DNM3: variants seen among roughly 807,000 people sequenced by gnomAD.
DNM3 encodes dynamin-3.
A neutral mutation model predicts 101.6 loss-of-function variants in DNM3; 47 were observed. That is an observed-to-expected ratio of 0.46 (90% CI 0.37 to 0.59). The LOEUF is 0.59. Ranked by LOEUF, DNM3 falls within the 20% of genes least tolerant of loss-of-function variation. DNM3 has a pLI of 0.00. For synonymous variants in DNM3, 385 were observed against 387.9 expected (o/e 0.99, Z 0.09); for missense variants, 849 against 1,085.7 (o/e 0.78, Z 3.06).
intron 14 of DNM3, among the ~76,000 whole-genome samples, chr1:172,190,173 C>G (rs2059661097): frequency 6.6e-6 from 1 of 152,038 alleles, no homozygotes; most frequent in South Asian, 2.1e-4. Flanking sequence ...CCTGCACCCC[C>G]ACCGGCAGGC....
At chr1:172,092,135 A>G (rs2053952558) in intron 12 of DNM3, among the ~76,000 whole-genome samples, 1 of 152,170 alleles carries the variant, frequency 6.6e-6, no homozygotes, top group Admixed American at 6.5e-5. Context: ...ATTAAGAATG[A>G]TATGCCCATT....
chr1:171,876,539 T>C (rs1483030366), intron 1 of DNM3, among the ~76,000 whole-genome samples: 1 of 152,202 alleles, frequency 6.6e-6, no homozygotes, highest in African/African-American at 2.4e-5. Flanking sequence ...CTTGAGCACC[T>C]ATACATGTTG....
chr1:171,967,932 A>G (rs547795030), intron 2 of DNM3, among the ~76,000 whole-genome samples: 1 of 152,228 alleles, frequency 6.6e-6, no homozygotes, highest in African/African-American at 2.4e-5. Flanking sequence ...TACTTTGTAT[A>G]TTGCTTCTGT....
chr1:171,859,336 A>G (rs2033940827), intron 1 of DNM3, among the ~76,000 whole-genome samples: 1 of 152,130 alleles, frequency 6.6e-6, no homozygotes, highest in African/African-American at 2.4e-5. Flanking sequence ...CTGGGTATAC[A>G]TAATTCTCTG....
intron 14 of DNM3, among the ~76,000 whole-genome samples, chr1:172,167,481 T>C (rs951138492): frequency 2.6e-5 from 4 of 152,082 alleles, no homozygotes; most frequent in Admixed American, 2.0e-4. Flanking sequence ...TCTAGATCCT[T>C]GAGGAGTCAC....
At chr1:171,951,763 A>T (rs1252379825) in intron 2 of DNM3, among the ~76,000 whole-genome samples, 1 of 152,188 alleles carries the variant, frequency 6.6e-6, no homozygotes, top group African/African-American at 2.4e-5. Context: ...ACATTTCAAA[A>T]GGTTTATTAT....
At chr1:172,209,935 T>C (rs1321155408) in intron 14 of DNM3, among the ~76,000 whole-genome samples, 1 of 152,148 alleles carries the variant, frequency 6.6e-6, no homozygotes, top group Non-Finnish European at 1.5e-5. Flanking sequence ...TGATTCTTTA[T>C]TGTTTTGATG....
At chr1:172,095,805 T>C (rs2054207531) in intron 13 of DNM3, among the ~76,000 whole-genome samples, 1 of 152,246 alleles carries the variant, frequency 6.6e-6, no homozygotes, top group African/African-American at 2.4e-5. Flanking sequence ...GCTTTGTTTA[T>C]GTCTGCCTAG....
intron 2 of DNM3, among the ~76,000 whole-genome samples, chr1:171,985,124 T>C (rs1252420263): frequency 1.3e-5 from 2 of 152,234 alleles, no homozygotes; most frequent in Non-Finnish European, 2.9e-5. Context: ...TTAGCAGTGA[T>C]TGAAAATGTA....
At chr1:172,211,852 G>C (rs2060525748) in intron 14 of DNM3, among the ~76,000 whole-genome samples, 1 of 152,102 alleles carries the variant, frequency 6.6e-6, no homozygotes, top group South Asian at 2.1e-4. Flanking sequence ...TCAAGGAACA[G>C]GTGGAAATTG....
chr1:171,901,920 A>G (rs1208504217), intron 1 of DNM3, among the ~76,000 whole-genome samples: 2 of 152,198 alleles, frequency 1.3e-5, no homozygotes, highest in Non-Finnish European at 2.9e-5. Context: ...TAAATTGATG[A>G]GAGATAGAGC....
intron 1 of DNM3, among the ~76,000 whole-genome samples, chr1:171,844,029 G>A (rs761307696): frequency 5.9e-5 from 9 of 152,134 alleles, no homozygotes; most frequent in Non-Finnish European, 7.4e-5. Context: ...CACCTGCCTA[G>A]CAGAGCTTAC....
chr1:172,034,983 AG>A (rs2048854960), intron 6 of DNM3, among the ~76,000 whole-genome samples: 1 of 152,132 alleles, frequency 6.6e-6, no homozygotes, highest in African/African-American at 2.4e-5. Context: ...GAGTGAAAAA[AG>A]AATGTGGTAT....
intron 14 of DNM3, among the ~76,000 whole-genome samples, chr1:172,206,487 AT>A (rs1452911685): frequency 6.6e-6 from 1 of 152,042 alleles, no homozygotes; most frequent in African/African-American, 2.4e-5. Context: ...AAAATTAATA[AT>A]TTTTACTGTT....
intron 12 of DNM3, among the ~76,000 whole-genome samples, chr1:172,083,766 A>C (rs537916273): frequency 6.6e-6 from 1 of 152,248 alleles, no homozygotes; most frequent in Admixed American, 6.5e-5. Context: ...TTGCTGCCTT[A>C]GAAGCTGTTG....
intron 16 of DNM3, among the ~76,000 whole-genome samples, chr1:172,319,035 C>T (rs1447865563): frequency 6.6e-6 from 1 of 152,018 alleles, no homozygotes; most frequent in Non-Finnish European, 1.5e-5. Context: ...GGTACCAAAA[C>T]AGAGATATAG....
intron 20 of DNM3, among the ~76,000 whole-genome samples, chr1:172,400,963 C>T (rs1192928540): frequency 6.6e-6 from 1 of 152,166 alleles, no homozygotes; most frequent in African/African-American, 2.4e-5. Flanking sequence ...GTTTCTGAAA[C>T]TCCTGAAGCA....
chr1:172,381,068 T>TGC (rs1304418996), intron 18 of DNM3: 1 of 89,422 alleles, frequency 1.1e-5, no homozygotes, highest in African/African-American at 2.8e-5. Flanking sequence ...CACACACATA[T>TGC]GCGCACACAC....
At chr1:171,892,531 A>C (rs966402807) in intron 1 of DNM3, among the ~76,000 whole-genome samples, 3 of 152,250 alleles carry the variant, frequency 2.0e-5, no homozygotes, top group Admixed American at 6.5e-5. Context: ...ATTCATCACC[A>C]CATGGATAAT....
Sources: gnomAD v4.1 joint callset for allele counts (sites outside exome capture counted in the v4.1 genomes callset) on GRCh38, gnomAD v4.1.1 for gene constraint, MANE v1.5 for transcripts, NCBI Gene and HGNC (gene_info 2026-07-23, HGNC 2026-07-21) for gene names.